Variants in BTF3L4 observed in about 807,000 individuals in gnomAD.
The protein encoded by BTF3L4 is basic transcription factor 3 like 4, also known as transcription factor BTF3 homolog 4.
A neutral mutation model predicts 16.8 loss-of-function variants in BTF3L4; 6 were observed. The ratio of observed to expected loss-of-function variants is 0.36; its 90% CI spans 0.20 to 0.71. BTF3L4 has a LOEUF of 0.71. Among genes scored for constraint, BTF3L4 ranks in the 30% least tolerant of loss-of-function variants. The probability of loss-of-function intolerance (pLI) is 0.58; values close to 1 mark genes in which losing one functional copy is unlikely to be tolerated. For missense variants in BTF3L4, 92 were observed against 186.9 expected (o/e 0.49, Z 2.96); for synonymous variants, 39 against 59.8 (o/e 0.65, Z 1.60).
In BTF3L4 at chr1:52,062,326, T is replaced by C. The variant is rs557363055; in HGVS notation, c.54+2425T>C. Among the ~76,000 whole-genome samples the C allele has an allele frequency of 2.7e-5, 4 of 149,650 alleles. No individual in the cohort carries two copies. In the South Asian group the frequency reaches 8.6e-4, roughly 32 times the overall value. ...AAGCGATTCTCCTGCCTCAGCCTCCTGAGTAGCTGGGATTACAGGCACGCG... is the reference window on the plus strand; with the variant it reads ...AAGCGATTCTCCTGCCTCAGCCTCCCGAGTAGCTGGGATTACAGGCACGCG... On this transcript the variant is annotated intron_variant, in intron 2 of 5. Transcript: ENST00000313334.
rs1475999641 is a variant in BTF3L4, at chr1:52,089,541, A to G, written c.*2783A>G. The G allele has an allele frequency of 6.6e-6, 1 of 152,202 alleles. No homozygotes were observed. The highest frequency in any genetic ancestry group is 1.5e-5 in the Non-Finnish European group (1 of 68,042). The allele number at this position is 152,202 out of a possible 1,614,324, so 9.4% of individuals were successfully genotyped here. On this transcript the variant is annotated 3_prime_UTR_variant, in exon 6 of 6. Coordinates refer to ENST00000313334, the MANE Select transcript of BTF3L4 (RefSeq NM_152265.5). ...TTTATATTTAAATAACTAGTTAAAT[A>G]TGTGCTTCTTACTAAGATTAGGTAT... is the stretch of plus-strand genomic sequence containing the variant.
At chr1:52,067,040 C>T (rs1686669336) in intron 3 of BTF3L4, among the ~76,000 whole-genome samples, 1 of 151,890 alleles carries the variant, frequency 6.6e-6, no homozygotes, top group African/African-American at 2.4e-5. Context: ...AGTTTGAGAC[C>T]AGCCTGGCCA....
chr1:52,070,377 G>GGTTT (rs905434290), intron 3 of BTF3L4, among the ~76,000 whole-genome samples: 1 of 151,360 alleles, frequency 6.6e-6, no homozygotes, highest in Admixed American at 6.6e-5. Flanking sequence ...ATTATATATA[G>GGTTT]GTTTGTTTGT....
intron 3 of BTF3L4, among the ~76,000 whole-genome samples, chr1:52,068,296 T>G (rs1268311969): frequency 6.6e-6 from 1 of 152,240 alleles, no homozygotes; most frequent in Non-Finnish European, 1.5e-5. Flanking sequence ...CAACGTTTAT[T>G]AAACATCTGC....
At chr1:52,063,330 G>C (rs1361870776) in intron 2 of BTF3L4, among the ~76,000 whole-genome samples, 1 of 152,136 alleles carries the variant, frequency 6.6e-6, no homozygotes, top group Non-Finnish European at 1.5e-5. Context: ...AGGATCATTC[G>C]AGTTGAACAA....
At chr1:52,058,101 G>GA (rs1358450212) in intron 1 of BTF3L4, among the ~76,000 whole-genome samples, 1 of 152,112 alleles carries the variant, frequency 6.6e-6, no homozygotes, top group Admixed American at 6.5e-5. Context: ...ATTCCTTTGA[G>GA]AAAAGTGAAT....
intron 3 of BTF3L4, among the ~76,000 whole-genome samples, chr1:52,077,217 A>C (rs1209276769): frequency 6.6e-6 from 1 of 152,164 alleles, no homozygotes; most frequent in Admixed American, 6.6e-5. Flanking sequence ...TTTCTGGTAA[A>C]CATTTAAGTG....
At chr1:52,086,445 T>G (rs1643973640) in intron 5 of BTF3L4, 1 of 479,178 alleles carries the variant, frequency 2.1e-6, no homozygotes, top group Admixed American at 3.9e-5. Flanking sequence ...CATTTCTGTA[T>G]GAATTATAAT....
intron 3 of BTF3L4, among the ~76,000 whole-genome samples, chr1:52,071,977 A>C (rs1025074484): frequency 7.4e-5 from 10 of 134,400 alleles, no homozygotes; most frequent in Admixed American, 4.5e-4. Flanking sequence ...GTGTGTGTAG[A>C]TATATCTATA....
Position 52,090,473 on chromosome 1 carries a change from T to C in BTF3L4, c.*3715T>C, listed in dbSNP as rs1357593488. On this transcript the variant is annotated 3_prime_UTR_variant, in exon 6 of 6. Transcript: ENST00000313334. ...GTTTGCCTGAATTATTATAGCTTTC[T>C]TAATAGTTTTGTTTATGATCCACTC... 6.6e-6 allele frequency: 1 copy of C among 152,186 alleles called. No homozygotes were observed. Among genetic ancestry groups the C allele is most frequent in the Admixed American group, 6.5e-5 (1 of 15,280 alleles). The allele number at this position is 152,186 out of a possible 1,614,324, so 9.4% of individuals were successfully genotyped here.
rs1282352080 is a variant in BTF3L4, at chr1:52,087,154, C to G, written c.*396C>G. ...CCAGTAGAAATAAAAAAAATCTTTA[C>G]ATTTGTTACTTTTCTTTTCCCCCCG... On this transcript the variant is annotated 3_prime_UTR_variant, in exon 6 of 6. Coordinates refer to ENST00000313334, the MANE Select transcript of BTF3L4 (RefSeq NM_152265.5). The G allele has an allele frequency of 6.3e-6, 1 of 158,810 alleles. No homozygotes were observed. Among genetic ancestry groups the G allele is most frequent in the Non-Finnish European group, 1.4e-5 (1 of 72,308 alleles). 9.8% of individuals were successfully genotyped at this position (158,810 alleles called of 1,614,324 possible).
At chr1:52,070,359 T>C (rs1686755858) in intron 3 of BTF3L4, among the ~76,000 whole-genome samples, 1 of 150,960 alleles carries the variant, frequency 6.6e-6, no homozygotes, top group African/African-American at 2.4e-5. Context: ...ATTGATTTGG[T>C]ATAATAAATT....
chr1:52,063,389 GTGCC>G (rs1686567704), intron 2 of BTF3L4, among the ~76,000 whole-genome samples: 1 of 152,122 alleles, frequency 6.6e-6, no homozygotes, highest in Non-Finnish European at 1.5e-5. Context: ...TCACAAATGA[GTGCC>G]TATGTAAATA....
chr1:52,074,588 C>T (rs891617134), intron 3 of BTF3L4, among the ~76,000 whole-genome samples: 12 of 152,006 alleles, frequency 7.9e-5, no homozygotes, highest in African/African-American at 2.4e-4. Flanking sequence ...TCTTGAACTC[C>T]TGACCTCAGG....
In BTF3L4 at chr1:52,083,277, TAAA is replaced by T. The variant is rs939965698; in HGVS notation, c.169-60_169-58del. ...AACCATAATTGGCTGAATTGCTTTTTAAAAATATATTGTTTTAGTGTACCTAGC... is the reference window on the plus strand; with the variant it reads ...AACCATAATTGGCTGAATTGCTTTTTAATATATTGTTTTAGTGTACCTAGC... On this transcript the variant is annotated intron_variant, in intron 3 of 5. Coordinates refer to ENST00000313334, the MANE Select transcript of BTF3L4 (RefSeq NM_152265.5). The T allele has an allele frequency of 2.6e-5, 37 of 1,428,534 alleles. No homozygotes were observed. The Admixed American group carries it at 4.6e-4, about 18-fold the overall frequency. 88.5% of individuals were successfully genotyped at this position (1,428,534 alleles called of 1,614,324 possible). A position where few individuals can be genotyped will look rare whatever the true frequency, so the allele number is the denominator to read the frequency against.
Position 52,086,094 on chromosome 1 carries a change from A to G in BTF3L4, c.371-18A>G, listed in dbSNP as rs1264964009. On this transcript the variant is annotated intron_variant, in intron 4 of 5. Coordinates refer to ENST00000313334, the MANE Select transcript of BTF3L4 (RefSeq NM_152265.5). ...GTCTTTGTTCTCAATGACTAATATT[A>G]AAATAAACTTTTTGTAGTCTTGGAC... is the stretch of plus-strand genomic sequence containing the variant. 5 of 1,567,948 alleles carry G rather than the reference A, an allele frequency of 3.2e-6. No homozygotes were observed. Among genetic ancestry groups the G allele is most frequent in the Non-Finnish European group, 4.3e-6 (5 of 1,152,398 alleles).
rs948706455 is a variant in BTF3L4, at chr1:52,061,308, G to A, written c.54+1407G>A. 5.9e-5 allele frequency among the ~76,000 whole-genome samples: 9 copies of A among 152,064 alleles called. No individual in the cohort carries two copies. In the East Asian group the frequency reaches 7.8e-4, roughly 13 times the overall value. On this transcript the variant is annotated intron_variant, in intron 2 of 5. Transcript: ENST00000313334. ...GTTCAAGACCAGCCTAGCCAACATG[G>A]TGAAACCCTGTCTCCACTAAAAGTA...
chr1:52,066,590 T>G (rs1023975650), intron 3 of BTF3L4, among the ~76,000 whole-genome samples: 4 of 144,664 alleles, frequency 2.8e-5, no homozygotes, highest in Admixed American at 2.1e-4. Context: ...ACACCTGTAA[T>G]CCCAGCACTT....
chr1:52,067,721 T>G (rs560389999), intron 3 of BTF3L4, among the ~76,000 whole-genome samples: 12 of 152,226 alleles, frequency 7.9e-5, no homozygotes, highest in Non-Finnish European at 1.6e-4. Context: ...TTGTAAATGT[T>G]TATGCAATTT....
Sources: gnomAD v4.1 joint callset for allele counts (sites outside exome capture counted in the v4.1 genomes callset) on GRCh38, gnomAD v4.1.1 for gene constraint, MANE v1.5 for transcripts, NCBI Gene and HGNC (gene_info 2026-07-23, HGNC 2026-07-21) for gene names.